Variants in DGKB observed in about 807,000 individuals in gnomAD.
DGKB encodes the protein diacylglycerol kinase beta, also known as 90 kDa diacylglycerol kinase.
A neutral mutation model predicts 114.3 loss-of-function variants in DGKB; 67 were observed. The ratio of observed to expected loss-of-function variants is 0.59; its 90% CI spans 0.48 to 0.72. The LOEUF (loss-of-function observed/expected upper bound fraction) is 0.72, where lower values mean the gene tolerates loss of function less well. Among genes scored for constraint, DGKB ranks in the 30% least tolerant of loss-of-function variants. The pLI, the probability that DGKB is intolerant of heterozygous loss-of-function variation, is 0.00. For missense variants in DGKB, 907 were observed against 975.2 expected (o/e 0.93, Z 0.93); for synonymous variants, 398 against 323.1 (o/e 1.23, Z -2.49).
chr7:14,949,321 G>T (rs567307230), intron 1 of DGKB, among the ~76,000 whole-genome samples: 49 of 152,050 alleles, frequency 3.2e-4, no homozygotes, highest in Admixed American at 2.9e-3. Context: ...TGTAGCATAT[G>T]ATTGTATTAA....
intron 25 of DGKB, among the ~76,000 whole-genome samples, chr7:14,172,672 C>T (rs1417908074): frequency 6.6e-6 from 1 of 151,934 alleles, no homozygotes; most frequent in Admixed American, 6.6e-5. Context: ...AATGATGAGT[C>T]CATTTTAGTT....
At chr7:14,208,518 C>T (rs1787208756) in intron 23 of DGKB, among the ~76,000 whole-genome samples, 1 of 151,920 alleles carries the variant, frequency 6.6e-6, no homozygotes, top group Non-Finnish European at 1.5e-5. Context: ...TTGTAAACAG[C>T]CTCAATTTCT....
At chr7:14,731,186 G>C (rs1190504910) in intron 5 of DGKB, among the ~76,000 whole-genome samples, 1 of 152,096 alleles carries the variant, frequency 6.6e-6, no homozygotes, top group African/African-American at 2.4e-5. Context: ...CAAAATAGAA[G>C]GTAGGAATAG....
At chr7:14,882,905 T>C (rs1339289881) in intron 1 of DGKB, among the ~76,000 whole-genome samples, 1 of 152,000 alleles carries the variant, frequency 6.6e-6, no homozygotes, top group Admixed American at 6.6e-5. Context: ...TTGATATCTT[T>C]GCTATTTTAA....
intron 17 of DGKB, among the ~76,000 whole-genome samples, chr7:14,587,439 T>C (rs1800963005): frequency 6.6e-6 from 1 of 152,126 alleles, no homozygotes. Flanking sequence ...GTAAAGATGC[T>C]GTGAACACTG....
intron 25 of DGKB, among the ~76,000 whole-genome samples, chr7:14,155,480 G>A (rs1250197271): frequency 6.6e-6 from 1 of 152,114 alleles, no homozygotes; most frequent in African/African-American, 2.4e-5. Context: ...TGGAGGGACA[G>A]TGGCAGAATT....
At chr7:14,542,769 C>T (rs1487105172) in intron 20 of DGKB, among the ~76,000 whole-genome samples, 1 of 152,208 alleles carries the variant, frequency 6.6e-6, no homozygotes, top group Admixed American at 6.6e-5. Context: ...CAGATTGCCA[C>T]TCACTTAGCA....
At chr7:14,192,059 C>T (rs773281160) in intron 23 of DGKB, 47 of 442,436 alleles carry the variant, frequency 1.1e-4, no homozygotes, top group Non-Finnish European at 7.6e-5. Context: ...GACAGATAGT[C>T]GCTGTGGGTG....
chr7:14,170,152 AGAAAGAAAGAAAG>A (rs1780714928), intron 25 of DGKB, among the ~76,000 whole-genome samples: 1 of 49,658 alleles, frequency 2.0e-5, no homozygotes, highest in East Asian at 4.2e-4. Flanking sequence ...AAAAAAAGAA[AGAAAGAAAGAAAG>A]AAAGAAAGAA....
chr7:14,260,322 G>A (rs1050070175), intron 23 of DGKB, among the ~76,000 whole-genome samples: 2 of 152,164 alleles, frequency 1.3e-5, no homozygotes, highest in African/African-American at 4.8e-5. Context: ...GCAGCATTAT[G>A]ATTATGGTAT....
At chr7:14,158,681 T>C (rs1040979486) in intron 25 of DGKB, among the ~76,000 whole-genome samples, 4 of 152,192 alleles carry the variant, frequency 2.6e-5, no homozygotes, top group Admixed American at 6.5e-5. Flanking sequence ...GTTATGATAA[T>C]TGATATTTCT....
chr7:14,622,409 A>C (rs1807826787), intron 14 of DGKB, among the ~76,000 whole-genome samples: 1 of 152,026 alleles, frequency 6.6e-6, no homozygotes, highest in Non-Finnish European at 1.5e-5. Flanking sequence ...TCATTCCCAC[A>C]ACTTTCAATT....
At chr7:14,316,329 A>C (rs1259943171) in intron 23 of DGKB, among the ~76,000 whole-genome samples, 3 of 141,482 alleles carry the variant, frequency 2.1e-5, no homozygotes, top group Admixed American at 7.1e-5. Flanking sequence ...CCTTCAAAAA[A>C]TTAATGAATC....
intron 8 of DGKB, among the ~76,000 whole-genome samples, chr7:14,697,743 GGAAAGAAA>G (rs749957853): frequency 1.4e-4 from 17 of 119,140 alleles, no homozygotes; most frequent in South Asian, 8.1e-4. Context: ...GAAAGAAGGA[GGAAAGAAA>G]GAAAGAAAGA....
At chr7:14,938,358 C>T (rs927955147) in intron 1 of DGKB, among the ~76,000 whole-genome samples, 8 of 152,064 alleles carry the variant, frequency 5.3e-5, no homozygotes, top group African/African-American at 9.7e-5. Context: ...CATGTTTAGG[C>T]GTTTAAGATG....
At chr7:14,363,106 T>A (rs928127607) in intron 21 of DGKB, among the ~76,000 whole-genome samples, 12 of 152,248 alleles carry the variant, frequency 7.9e-5, no homozygotes, top group Admixed American at 7.2e-4. Context: ...GTATCCTGGC[T>A]GGGCTTCGCC....
At chr7:14,440,602 T>C (rs865901616) in intron 21 of DGKB, among the ~76,000 whole-genome samples, 1 of 152,192 alleles carries the variant, frequency 6.6e-6, no homozygotes, top group Non-Finnish European at 1.5e-5. Context: ...CTGACTGATA[T>C]TCTATTGCTT....
chr7:14,809,379 G>C (rs1450246340), intron 2 of DGKB, among the ~76,000 whole-genome samples: 15 of 152,064 alleles, frequency 9.9e-5, no homozygotes, highest in Admixed American at 9.8e-4. Context: ...TGAAACATGG[G>C]AGTGAAACAT....
chr7:14,722,712 T>G (rs865888714), intron 5 of DGKB, among the ~76,000 whole-genome samples: 28 of 150,462 alleles, frequency 1.9e-4, no homozygotes, highest in Admixed American at 8.5e-4. Flanking sequence ...CTTGGGAGGT[T>G]GAGGCAGGAG....
Sources: allele counts gnomAD v4.1 joint callset (sites outside exome capture counted in the v4.1 genomes callset), GRCh38; gene constraint gnomAD v4.1.1; transcripts MANE v1.5; gene names NCBI Gene and HGNC (gene_info 2026-07-23, HGNC 2026-07-21).